Variants in LANCL3 observed in about 807,000 individuals in gnomAD.
LANCL3 encodes the protein LanC like family member 3.
A neutral mutation model predicts 26.5 loss-of-function variants in LANCL3; 19 were observed. That is an observed-to-expected ratio of 0.72 (90% confidence interval 0.50 to 1.05). The LOEUF is 1.05. Ranked by LOEUF, LANCL3 falls within the 50% of genes least tolerant of loss-of-function variation. The pLI, the probability that LANCL3 is intolerant of heterozygous loss-of-function variation, is 0.00. For missense variants in LANCL3, 318 were observed against 362.7 expected, an observed-to-expected ratio of 0.88 and a Z score of 1.00; for synonymous variants, 160 against 166.6, an observed-to-expected ratio of 0.96 and a Z score of 0.30.
intron 4 of LANCL3, among the ~76,000 whole-genome samples, chrX:37,672,907 G>T (rs1926717562): frequency 8.9e-6 from 1 of 111,953 alleles, no homozygotes; most frequent in Admixed American, 9.5e-5. Context: ...TTTAACAATT[G>T]CATGTTAAAA....
At chrX:37,634,101 G>A (rs782747794) in intron 1 of LANCL3, among the ~76,000 whole-genome samples, 82 of 112,674 alleles carry the variant, frequency 7.3e-4, no homozygotes, top group Admixed American at 2.9e-3. Context: ...TCGAGCTTCC[G>A]GGCTCCTTTG....
At chrX:37,631,878 G>A (rs1401516041) in intron 1 of LANCL3, among the ~76,000 whole-genome samples, 2 of 110,067 alleles carry the variant, frequency 1.8e-5, no homozygotes, top group Non-Finnish European at 3.8e-5. Context: ...CCAACTATGT[G>A]GTCAATTTTG....
intron 1 of LANCL3, among the ~76,000 whole-genome samples, chrX:37,624,476 TAA>T (rs1925257289): frequency 8.9e-6 from 1 of 112,069 alleles, no homozygotes; most frequent in Non-Finnish European, 1.9e-5. Flanking sequence ...CTAACATATA[TAA>T]AATCATTCCT....
At chrX:37,631,053 A>C (rs1556424161) in intron 1 of LANCL3, among the ~76,000 whole-genome samples, 1 of 111,919 alleles carries the variant, frequency 8.9e-6, no homozygotes, top group Non-Finnish European at 1.9e-5. Context: ...TACCTCTGGT[A>C]GAATTCGGCT....
At chrX:37,657,186 T>TG (rs1926303815) in intron 2 of LANCL3, among the ~76,000 whole-genome samples, 1 of 112,793 alleles carries the variant, frequency 8.9e-6, no homozygotes, top group South Asian at 3.6e-4. Context: ...CTAGCAATTC[T>TG]GTCCTGCCCC....
In LANCL3 at chrX:37,572,324, G is replaced by T; in HGVS notation, c.454G>T (p.Ala152Ser). Residue 152 changes from alanine to serine, a missense_variant, in exon 1 of 5, where the codon GCT (alanine) becomes TCT (serine). Physicochemically the swap from Ala to Ser is moderately conservative, Grantham distance 99. Transcript: ENST00000378619. ...CGTGCAGCCGCTGGGCAAGTTCCGG[G>T]CTCTGTGTGCCGTCTGCGCGCCGGT... ...DYVQPLGKFRALCAVCAPVSF... is the reference protein window; with the variant it reads ...DYVQPLGKFRSLCAVCAPVSF... 8.6e-7 allele frequency: 1 copy of T among 1,163,047 alleles called. No homozygotes were observed. The highest frequency in any genetic ancestry group is 1.8e-5 in the African/African-American group (1 of 56,348).
chrX:37,572,903 G>A (rs3126454), intron 1 of LANCL3, among the ~76,000 whole-genome samples: 10 of 112,129 alleles, frequency 8.9e-5, no homozygotes, highest in Admixed American at 5.6e-4. Context: ...CTGTAACCAA[G>A]AATAACTGCT....
intron 4 of LANCL3, among the ~76,000 whole-genome samples, chrX:37,673,450 TAATC>T (rs1362014913): frequency 9.0e-6 from 1 of 111,587 alleles, no homozygotes; most frequent in African/African-American, 3.3e-5. Context: ...GTTTTGGTCA[TAATC>T]AATGGGTTTT....
Position 37,572,047 on chromosome X carries a change from C to T in LANCL3, c.177C>T (p.Ser59=), listed in dbSNP as rs1556415578. 7 of 1,178,999 alleles carry T rather than the reference C, an allele frequency of 5.9e-6. No homozygotes were observed. The East Asian group carries it at 1.5e-4, about 26-fold the overall frequency. ...CCCGAGGGGCGACGGCGGGGGCTAG[C>T]GCCTGCCAGGGGGGGCTTTATGGCG... ...AEARGATAGA[S]ACQGGLYGGV... is the part of the protein sequence containing the mutation. Residue 59 remains serine (S), a synonymous_variant, in exon 1 of 5, where the codon AGC becomes AGT. Transcript: ENST00000378619.
Position 37,650,306 on chromosome X carries a change from G to GA in LANCL3, c.574-5366dup, listed in dbSNP as rs781800086. On this transcript the variant is annotated intron_variant, in intron 1 of 4. Transcript: ENST00000378619. ...TGACTGAGTGAAACTCCATCTCAGG[G>GA]AAAAAAAAAAAAAAAAGCCCCAATG... 5.3e-3 allele frequency among the ~76,000 whole-genome samples: 388 copies of GA among 72,723 alleles called. 1 individual carries two copies. Among genetic ancestry groups the GA allele is most frequent in the African/African-American group, 0.015 (292 of 19,552 alleles). 63.2% of individuals were successfully genotyped at this position (72,723 alleles called of 115,157 possible). A position where few individuals can be genotyped will look rare whatever the true frequency, so the allele number is the denominator to read the frequency against.
chrX:37,650,916 T>TC (rs1926125101), intron 1 of LANCL3, among the ~76,000 whole-genome samples: 1 of 81,552 alleles, frequency 1.2e-5, no homozygotes, highest in Admixed American at 1.6e-4. Flanking sequence ...TGTGTGATGT[T>TC]CCCCACCTTG....
rs1556437779 is a variant in LANCL3 at position 37,677,494 on chromosome X, T to C, written c.*1681T>C. On this transcript the variant is annotated 3_prime_UTR_variant, in exon 5 of 5. Coordinates refer to ENST00000378619, the MANE Select transcript of LANCL3 (RefSeq NM_001170331.2). ...AAAGTAGGACAAAATGATTTTGAAA[T>C]GCATACATCTTTTCAGCTTCCTGTT... The C allele has an allele frequency of 8.9e-6, 1 of 112,180 alleles. No homozygotes were observed. The highest frequency in any genetic ancestry group is 3.2e-5 in the African/African-American group (1 of 30,912). 9.2% of individuals were successfully genotyped at this position (112,180 alleles called of 1,213,427 possible). A position where few individuals can be genotyped will look rare whatever the true frequency, so the allele number is the denominator to read the frequency against.
At chrX:37,607,447 A>C (rs1478101352) in intron 1 of LANCL3, among the ~76,000 whole-genome samples, 1 of 112,539 alleles carries the variant, frequency 8.9e-6, no homozygotes, top group Non-Finnish European at 1.9e-5. Context: ...AATTGATGGA[A>C]TGAATCATTT....
intron 1 of LANCL3, among the ~76,000 whole-genome samples, chrX:37,587,593 GC>G (rs1924138373): frequency 8.8e-6 from 1 of 113,173 alleles, no homozygotes; most frequent in African/African-American, 3.2e-5. Flanking sequence ...GGCCCTCCAA[GC>G]CAGGCATGGG....
At chrX:37,576,293 G>A (rs1229021375) in intron 1 of LANCL3, among the ~76,000 whole-genome samples, 2 of 111,628 alleles carry the variant, frequency 1.8e-5, no homozygotes, top group Non-Finnish European at 3.8e-5. Context: ...CACTTAACTT[G>A]GCCTTCCTGG....
chrX:37,576,574 C>A (rs782788688), intron 1 of LANCL3, among the ~76,000 whole-genome samples: 1 of 111,772 alleles, frequency 8.9e-6, no homozygotes, highest in South Asian at 3.8e-4. Context: ...TCTTCGTTGA[C>A]TTGTTCTGGT....
chrX:37,594,941 A>G (rs1556419349), intron 1 of LANCL3, among the ~76,000 whole-genome samples: 1 of 112,075 alleles, frequency 8.9e-6, no homozygotes, highest in Non-Finnish European at 1.9e-5. Flanking sequence ...GAGCGAAATT[A>G]GATGGCAAGT....
chrX:37,603,497 C>T (rs1466405796), intron 1 of LANCL3, among the ~76,000 whole-genome samples: 4 of 112,111 alleles, frequency 3.6e-5, no homozygotes, highest in Non-Finnish European at 7.5e-5. Flanking sequence ...ACCTCAAACC[C>T]GAAAGGGTAA....
intron 1 of LANCL3, among the ~76,000 whole-genome samples, chrX:37,649,548 A>G (rs781845933): frequency 1.8e-5 from 2 of 111,954 alleles, no homozygotes; most frequent in African/African-American, 6.5e-5. Flanking sequence ...AAACCTGCAC[A>G]TTCTGCACAT....
Sources: allele counts gnomAD v4.1 joint callset (sites outside exome capture counted in the v4.1 genomes callset), GRCh38; gene constraint gnomAD v4.1.1; transcripts MANE v1.5; gene names NCBI Gene and HGNC (gene_info 2026-07-23, HGNC 2026-07-21).